The following ZSWIM2 variants were observed in gnomAD, a reference collection of about 807,000 sequenced individuals.
ZSWIM2 encodes zinc finger SWIM-type containing 2, also known as E3 ubiquitin-protein ligase ZSWIM2.
In ZSWIM2, 38 loss-of-function variants were observed where a neutral mutation model predicts 48.4. The observed-to-expected ratio is 0.79, with a 90% CI of 0.61 to 1.03. The LOEUF is 1.03. ZSWIM2 is among the 50% of genes least tolerant of loss of function. ZSWIM2 has a pLI of 0.00. For missense variants in ZSWIM2, 776 were observed against 730.2 expected (o/e 1.06, Z -0.72); for synonymous variants, 240 against 251.3 (o/e 0.96, Z 0.42).
intron 3 of ZSWIM2, among the ~76,000 whole-genome samples, chr2:186,840,069 T>C (rs189971211): frequency 6.6e-6 from 1 of 151,634 alleles, no homozygotes; most frequent in East Asian, 1.9e-4. Flanking sequence ...AACACTAAAA[T>C]ACTGAAAACA....
At chr2:186,833,875 T>A in intron 6 of ZSWIM2, 71 bp downstream of exon 6, 1 of 1,260,500 alleles carries the variant, frequency 7.9e-7, no homozygotes, top group South Asian at 1.2e-5. Context: ...ATTCTTCTTA[T>A]TCTTACACTG....
intron 5 of ZSWIM2, among the ~76,000 whole-genome samples, 169 bp downstream of exon 5, chr2:186,837,137 G>A (rs144729415): frequency 6.6e-6 from 1 of 152,102 alleles, no homozygotes; most frequent in Non-Finnish European, 1.5e-5. Context: ...CTGAGATACT[G>A]GACTGAGATA....
At chr2:186,838,331 T>G (rs1331328827) in intron 4 of ZSWIM2, among the ~76,000 whole-genome samples, 1 of 150,934 alleles carries the variant, frequency 6.6e-6, no homozygotes, top group Non-Finnish European at 1.5e-5. Flanking sequence ...GAAATATTAT[T>G]GTTGGCATTA....
chr2:186,838,036 C>T (rs1195688251), intron 4 of ZSWIM2, among the ~76,000 whole-genome samples: 1 of 151,414 alleles, frequency 6.6e-6, no homozygotes, highest in African/African-American at 2.4e-5. Flanking sequence ...TTACAATATG[C>T]AATAGAAGCA....
At chr2:186,832,486 C>T (rs1222668964) in intron 7 of ZSWIM2, among the ~76,000 whole-genome samples, 14 of 152,062 alleles carry the variant, frequency 9.2e-5, no homozygotes, top group Admixed American at 9.2e-4. Context: ...TAATAATGTT[C>T]TTAATCAATG....
intron 3 of ZSWIM2, among the ~76,000 whole-genome samples, chr2:186,841,981 T>A (rs73979376): frequency 9.8e-4 from 148 of 151,320 alleles, no homozygotes; most frequent in African/African-American, 3.5e-3. Flanking sequence ...TTTGGGAAAA[T>A]GTTTGTGAAT....
intron 3 of ZSWIM2, among the ~76,000 whole-genome samples, chr2:186,841,949 T>C (rs543355111): frequency 6.6e-6 from 1 of 151,414 alleles, no homozygotes; most frequent in South Asian, 2.1e-4. Flanking sequence ...AAAGGAACTA[T>C]CAGGTGGTAA....
intron 5 of ZSWIM2, among the ~76,000 whole-genome samples, chr2:186,834,822 G>T (rs1308768453): frequency 6.6e-6 from 1 of 152,052 alleles, no homozygotes; most frequent in East Asian, 1.9e-4. Flanking sequence ...GAACCTGTAT[G>T]ATTATACAAG....
Position 186,833,175 on chromosome 2 carries a change from T to C in ZSWIM2, c.886A>G (p.Ile296Val). 3.9e-6 allele frequency: 6 copies of C among 1,540,168 alleles called. No individual in the cohort carries two copies. The highest frequency in any genetic ancestry group is 2.8e-5 in the African/African-American group (2 of 70,194). ...TCTTCAATCTCATTTTTAGTATCTA[T>C]GTATTTTACAACTTCATCTGCTCTT... ...EKRADEVVKY[I>V]DTKNEIEEKM... Residue 296 changes from isoleucine (I) to valine (V), a missense_variant, in exon 7 of 9, where the codon ATA (isoleucine) becomes GTA (valine). Physicochemically the swap from Ile to Val is conservative, Grantham distance 29 (BLOSUM62 3). Transcript: ENST00000295131.
At chr2:186,848,635 C>A in intron 1 of ZSWIM2, 1 of 216,714 alleles carries the variant, frequency 4.6e-6, no homozygotes, top group Admixed American at 5.0e-5. Context: ...GGACTAAGGA[C>A]CACTAACAAC....
chr2:186,827,562 T>A lies in ZSWIM2; in HGVS notation c.*422A>T, dbSNP rs913914552. Among the ~76,000 whole-genome samples, 1 of 151,764 alleles carries A rather than the reference T, an allele frequency of 6.6e-6. No homozygotes were observed. Among genetic ancestry groups the A allele is most frequent in the Non-Finnish European group, 1.5e-5 (1 of 67,868 alleles). On this transcript the variant is annotated 3_prime_UTR_variant, in exon 9 of 9. Transcript: ENST00000295131. The stretch of plus-strand genomic sequence containing the variant: ...TATGGAGTTTTTTAAGGTTTTTTTT[T>A]ATAGGTTTGTGGTAATTACTAGTGC...
rs137912431 is a variant in ZSWIM2, at chr2:186,846,989, C to T, written c.242+730G>A. Among the ~76,000 whole-genome samples, 1,110 of 150,888 alleles carry T rather than the reference C, an allele frequency of 7.4e-3. 10 individuals are homozygous for T. Among genetic ancestry groups the T allele is most frequent in the South Asian group, 0.023 (110 of 4,750 alleles). On this transcript the variant is annotated intron_variant, in intron 2 of 8. Transcript: ENST00000295131. ...AAAGCTAAACAATGGGTCACATGGA[C>T]ATATAGAGTGAAATAAGACATCAGA...
Position 186,847,801 on chromosome 2 carries a change from A to C in ZSWIM2, c.166-6T>G, listed in dbSNP as rs373878029. 2.2e-5 allele frequency: 35 copies of C among 1,602,442 alleles called. No homozygotes were observed. Among genetic ancestry groups the C allele is most frequent in the Non-Finnish European group, 2.8e-5 (33 of 1,173,766 alleles). On this transcript the variant is annotated splice_region_variant and splice_polypyrimidine_tract_variant and intron_variant, in intron 1 of 8. Coordinates refer to ENST00000295131, the MANE Select transcript of ZSWIM2 (RefSeq NM_182521.3). ...TGAGGATTTCCTAGAAAAACCTTTA[A>C]AGGAAAAATGCATACTTAAAAAGAC...
At chr2:186,831,094 CCTT>C (rs907643001) in intron 7 of ZSWIM2, among the ~76,000 whole-genome samples, 50 of 152,228 alleles carry the variant, frequency 3.3e-4, no homozygotes, top group African/African-American at 1.2e-3. Context: ...CCTAAAATGT[CCTT>C]CTTCTCCTAA....
intron 7 of ZSWIM2, among the ~76,000 whole-genome samples, chr2:186,830,931 C>T (rs996854194): frequency 6.6e-6 from 1 of 152,140 alleles, no homozygotes; most frequent in African/African-American, 2.4e-5. Context: ...TTGTACTTCT[C>T]ATTACTCTAC....
At position 186,828,654 on chromosome 2, in the gene ZSWIM2, C is replaced by G; in HGVS notation, c.1232G>C (p.Arg411Thr). The change falls in exon 9 of 9, where the codon AGA (arginine) becomes ACA (threonine). Residue 411 changes from arginine (R) to threonine (T), a missense_variant. Coordinates refer to ENST00000295131, the MANE Select transcript of ZSWIM2 (RefSeq NM_182521.3). ...CTGCTTTGATAGATGAATGATGTCTCTGTTTGAAACAGACTGATGTGCTTG... is the reference window on the plus strand; with the variant it reads ...CTGCTTTGATAGATGAATGATGTCTGTGTTTGAAACAGACTGATGTGCTTG... ...NGQAHQSVSN[R>T]DIIHLSKQKE... is the part of the protein sequence containing the mutation. 3 of 1,613,220 alleles carry G rather than the reference C, an allele frequency of 1.9e-6. No homozygotes were observed. The highest frequency in any genetic ancestry group is 2.5e-6 in the Non-Finnish European group (3 of 1,179,634).
At chr2:186,830,957 A>T (rs1691688205) in intron 7 of ZSWIM2, among the ~76,000 whole-genome samples, 1 of 152,134 alleles carries the variant, frequency 6.6e-6, no homozygotes, top group East Asian at 1.9e-4. Flanking sequence ...TATCCTCACC[A>T]TATTACAGAA....
At position 186,829,731 on chromosome 2, in the gene ZSWIM2, T is replaced by C. The variant is rs1351271286; in HGVS notation, c.1091A>G (p.His364Arg). The C allele has an allele frequency of 1.9e-6, 3 of 1,608,044 alleles. No individual in the cohort carries two copies. The highest frequency in any genetic ancestry group is 2.5e-6 in the Non-Finnish European group (3 of 1,178,386). ...GQHTRLLPCT[H>R]KFHRKCIDNW... The stretch of plus-strand genomic sequence containing the variant: ...CTAAAATGATGTGACTTTTACCTTG[T>C]GAGTACATGGTAGCAATCTTGTATG... Residue 364 changes from histidine (H) to arginine (R), a missense_variant, in exon 8 of 9, where the codon CAC becomes CGC. His to Arg is a conservative substitution (Grantham distance 29). Coordinates refer to ENST00000295131, the MANE Select transcript of ZSWIM2 (RefSeq NM_182521.3).
At chr2:186,842,816 G>T (rs1410921791) in intron 3 of ZSWIM2, among the ~76,000 whole-genome samples, 3 of 151,364 alleles carry the variant, frequency 2.0e-5, no homozygotes, top group Non-Finnish European at 4.4e-5. Flanking sequence ...TTAACTTAAA[G>T]CTGATAATCT....
Sources: allele counts gnomAD v4.1 joint callset (sites outside exome capture counted in the v4.1 genomes callset), GRCh38; gene constraint gnomAD v4.1.1; transcripts MANE v1.5; gene names NCBI Gene and HGNC (gene_info 2026-07-23, HGNC 2026-07-21).